The following TACR1 variants were observed in gnomAD, a reference collection of about 807,000 sequenced individuals.
The protein encoded by TACR1 is substance-P receptor.
TACR1 carries 25 observed loss-of-function variants against 35.8 expected under a neutral mutation model. That is an observed-to-expected ratio of 0.70 (90% CI 0.51 to 0.98). The LOEUF (loss-of-function observed/expected upper bound fraction) is 0.98. Among genes scored for constraint, TACR1 ranks in the 50% least tolerant of loss-of-function variants. The probability of loss-of-function intolerance (pLI) is 0.00; values close to 1 mark genes in which losing one functional copy is unlikely to be tolerated. For synonymous variants in TACR1, 195 were observed against 206.7 expected (o/e 0.94, Z 0.48); for missense variants, 478 against 522.9 (o/e 0.91, Z 0.84).
intron 2 of TACR1, among the ~76,000 whole-genome samples, chr2:75,091,594 C>G (rs1221661306): frequency 6.6e-6 from 1 of 152,160 alleles, no homozygotes; most frequent in Non-Finnish European, 1.5e-5. Context: ...TGCAACAGGG[C>G]TGGGATTCTA....
At chr2:75,122,721 A>G (rs186690665) in intron 1 of TACR1, among the ~76,000 whole-genome samples, 1 of 152,332 alleles carries the variant, frequency 6.6e-6, no homozygotes, top group Non-Finnish European at 1.5e-5. Context: ...TATAAAGCCT[A>G]TCACTCAAAT....
intron 3 of TACR1, among the ~76,000 whole-genome samples, 169 bp downstream of exon 3, chr2:75,053,436 A>G (rs2103783318): frequency 6.6e-6 from 1 of 152,248 alleles, no homozygotes; most frequent in East Asian, 1.9e-4. Context: ...GTCCAGCCAG[A>G]TCTGGGTTCC....
At chr2:75,114,727 T>C (rs1673816414) in intron 2 of TACR1, among the ~76,000 whole-genome samples, 1 of 152,242 alleles carries the variant, frequency 6.6e-6, no homozygotes, top group Admixed American at 6.5e-5. Context: ...TTATCACCTG[T>C]CAGTCATCTC....
chr2:75,131,749 T>C (rs1336128758), intron 1 of TACR1, among the ~76,000 whole-genome samples: 4 of 152,228 alleles, frequency 2.6e-5, no homozygotes, highest in Non-Finnish European at 5.9e-5. Context: ...GTATGATGAA[T>C]ACAAAAGTAT....
At chr2:75,152,577 G>A (rs953709873) in intron 1 of TACR1, among the ~76,000 whole-genome samples, 2 of 152,182 alleles carry the variant, frequency 1.3e-5, no homozygotes, top group African/African-American at 4.8e-5. Context: ...TTTATCAGAA[G>A]TGTGAAAATG....
At chr2:75,129,154 A>G (rs1674133974) in intron 1 of TACR1, among the ~76,000 whole-genome samples, 1 of 152,220 alleles carries the variant, frequency 6.6e-6, no homozygotes, top group Non-Finnish European at 1.5e-5. Flanking sequence ...GGGAAAGGGG[A>G]ATTGCACTGA....
At chr2:75,059,195 C>T (rs1672624510) in intron 2 of TACR1, among the ~76,000 whole-genome samples, 1 of 152,156 alleles carries the variant, frequency 6.6e-6, no homozygotes, top group Admixed American at 6.5e-5. Context: ...TTGCAATATC[C>T]ATACCACATA....
rs181663114 is a variant in TACR1 at position 75,052,452 on chromosome 2, G to A, written c.736-1005C>T. 7.8e-4 allele frequency among the ~76,000 whole-genome samples: 118 copies of A among 152,112 alleles called. 1 individual carries two copies. The highest frequency in any genetic ancestry group is 2.8e-3 in the African/African-American group (116 of 41,494). On this transcript the variant is annotated intron_variant, in intron 3 of 4. Coordinates refer to ENST00000305249, the MANE Select transcript of TACR1 (RefSeq NM_001058.4). ...GCCCAAATGGACTAAGACACCATGC[G>A]ATGTAACCCCTTCCCAAGGCATCTT... is the stretch of plus-strand genomic sequence containing the variant.
chr2:75,069,632 C>G (rs920056415), intron 2 of TACR1, among the ~76,000 whole-genome samples: 3 of 152,148 alleles, frequency 2.0e-5, no homozygotes, highest in Non-Finnish European at 4.4e-5. Context: ...TCCTTAAACC[C>G]CTTTGGGCTG....
intron 1 of TACR1, among the ~76,000 whole-genome samples, chr2:75,155,091 C>T (rs1054402411): frequency 6.6e-6 from 1 of 152,118 alleles, no homozygotes; most frequent in African/African-American, 2.4e-5. Context: ...TACACTTTGA[C>T]CTCCATTTAA....
chr2:75,178,927 C>T (rs1334164879), intron 1 of TACR1, among the ~76,000 whole-genome samples: 1 of 152,178 alleles, frequency 6.6e-6, no homozygotes, highest in African/African-American at 2.4e-5. Context: ...ATGTCTCTAT[C>T]TCCCTCTTTC....
At chr2:75,132,411 A>G (rs1023522671) in intron 1 of TACR1, among the ~76,000 whole-genome samples, 14 of 152,270 alleles carry the variant, frequency 9.2e-5, no homozygotes, top group African/African-American at 3.1e-4. Flanking sequence ...ACTGAGTTTT[A>G]TATTTTAACT....
At chr2:75,197,233 G>A (rs577570700) in intron 1 of TACR1, among the ~76,000 whole-genome samples, 8 of 152,166 alleles carry the variant, frequency 5.3e-5, no homozygotes, top group Non-Finnish European at 7.3e-5. Flanking sequence ...TAACAAATCA[G>A]TATTTGGACA....
At chr2:75,086,956 A>C (rs921528960) in intron 2 of TACR1, among the ~76,000 whole-genome samples, 4 of 152,194 alleles carry the variant, frequency 2.6e-5, no homozygotes, top group Non-Finnish European at 4.4e-5. Context: ...ATCACTGTTT[A>C]GACCCATCTT....
chr2:75,152,309 G>A (rs189520272), intron 1 of TACR1, among the ~76,000 whole-genome samples: 2 of 152,266 alleles, frequency 1.3e-5, no homozygotes, highest in Admixed American at 6.5e-5. Flanking sequence ...TAATTCCCAC[G>A]TGTTGTGGGA....
intron 1 of TACR1, among the ~76,000 whole-genome samples, chr2:75,131,869 A>T (rs1348931186): frequency 6.6e-6 from 1 of 152,174 alleles, no homozygotes; most frequent in Non-Finnish European, 1.5e-5. Context: ...GTTATATTTT[A>T]TTTAAAATTA....
intron 2 of TACR1, among the ~76,000 whole-genome samples, chr2:75,070,846 C>T (rs1450820705): frequency 6.6e-6 from 1 of 152,186 alleles, no homozygotes; most frequent in African/African-American, 2.4e-5. Context: ...CCATGGGCTC[C>T]ATGTCCTAGT....
intron 2 of TACR1, among the ~76,000 whole-genome samples, chr2:75,092,407 C>A (rs1353641435): frequency 1.3e-5 from 2 of 152,032 alleles, no homozygotes; most frequent in African/African-American, 2.4e-5. Context: ...TCTCTTTGGG[C>A]AGTCTTTGGG....
At chr2:75,162,926 C>T (rs1156321371) in intron 1 of TACR1, among the ~76,000 whole-genome samples, 2 of 152,170 alleles carry the variant, frequency 1.3e-5, no homozygotes, top group African/African-American at 4.8e-5. Context: ...CTGGGCCTAC[C>T]TCATATTTTC....
Sources: gnomAD v4.1 joint callset for allele counts (sites outside exome capture counted in the v4.1 genomes callset) on GRCh38, gnomAD v4.1.1 for gene constraint, MANE v1.5 for transcripts, NCBI Gene and HGNC (gene_info 2026-07-23, HGNC 2026-07-21) for gene names.